The following MORC3 variants were observed in gnomAD, a reference collection of about 807,000 sequenced individuals.
MORC3 encodes the protein MORC family CW-type zinc finger 3, also known as MORC family CW-type zinc finger protein 3.
MORC3 carries 31 observed loss-of-function variants against 109.1 expected under a neutral mutation model. The ratio of observed to expected loss-of-function variants is 0.28; its 90% CI spans 0.21 to 0.38. MORC3 has a LOEUF of 0.38. Ranked by LOEUF, MORC3 falls within the 10% of genes least tolerant of loss-of-function variation. The pLI is 1.00. For synonymous variants in MORC3, 395 were observed against 380.7 expected, an observed-to-expected ratio of 1.04 and a Z score of -0.44; for missense variants, 867 against 1,135.8, an observed-to-expected ratio of 0.76 and a Z score of 3.40.
In MORC3 at chr21:36,360,170, A is replaced by T; in HGVS notation, c.1332-14A>T. ...GCTGGTGACATGTTATTCCTATGTG[A>T]TTTTTCTGAATAGAAATTGTGAGGT... is the stretch of plus-strand genomic sequence containing the variant. On this transcript the variant is annotated splice_polypyrimidine_tract_variant and intron_variant, in intron 11 of 16. Transcript: ENST00000400485. 6.2e-7 allele frequency: 1 copy of T among 1,614,056 alleles called. No individual in the cohort carries two copies. Among genetic ancestry groups the T allele is most frequent in the Non-Finnish European group, 8.5e-7 (1 of 1,179,966 alleles).
At chr21:36,370,628 TATATATA>T (rs1569110694) in intron 15 of MORC3, among the ~76,000 whole-genome samples, 2 of 18,502 alleles carry the variant, frequency 1.1e-4, no homozygotes, top group African/African-American at 5.0e-4. Context: ...TATATATATA[TATATATA>T]TATATTTTTT....
intron 9 of MORC3, among the ~76,000 whole-genome samples, chr21:36,354,371 C>G (rs1244127007): frequency 8.1e-6 from 1 of 122,936 alleles, no homozygotes; most frequent in East Asian, 2.8e-4. Flanking sequence ...TTGCCCACAT[C>G]TTGGCTCACT....
intron 9 of MORC3, among the ~76,000 whole-genome samples, chr21:36,352,709 G>A (rs75587257): frequency 0.014 from 2,182 of 152,116 alleles, 31 homozygotes; most frequent in Non-Finnish European, 0.02. Context: ...CTTGAACAGC[G>A]CAGTTATTAG....
intron 1 of MORC3, among the ~76,000 whole-genome samples, chr21:36,328,222 A>G (rs1010571556): frequency 6.6e-6 from 1 of 152,002 alleles, no homozygotes; most frequent in Non-Finnish European, 1.5e-5. Context: ...GATATGATCA[A>G]AAATGTATAT....
intron 9 of MORC3, among the ~76,000 whole-genome samples, chr21:36,355,700 A>T (rs2085637196): frequency 6.6e-6 from 1 of 151,978 alleles, no homozygotes; most frequent in South Asian, 2.1e-4. Context: ...CTGTAATCCC[A>T]GCACTTTGGG....
chr21:36,374,811 A>G (rs1223958794), intron 16 of MORC3, among the ~76,000 whole-genome samples: 1 of 151,944 alleles, frequency 6.6e-6, no homozygotes, highest in African/African-American at 2.4e-5. Flanking sequence ...AGCTGAGACT[A>G]CAGGTGTCGT....
chr21:36,336,951 A>T lies in MORC3; in HGVS notation c.190A>T (p.Thr64Ser). The change falls in exon 3 of 17, where the codon ACA (threonine) becomes TCA (serine). Residue 64 changes from threonine (T) to serine (S), a missense_variant. Coordinates refer to ENST00000400485, the MANE Select transcript of MORC3 (RefSeq NM_015358.3). ...KTVINDHICL[T>S]FTDNGNGMTS... ...AGTGATAAATGACCATATATGCTTG[A>T]CATTCACCGACAATGGGAATGGTAT... 6.2e-7 allele frequency: 1 copy of T among 1,613,100 alleles called. No individual in the cohort carries two copies. Among genetic ancestry groups the T allele is most frequent in the Non-Finnish European group, 8.5e-7 (1 of 1,179,468 alleles).
At position 36,337,605 on chromosome 21, in the gene MORC3, A is replaced by G. The variant is rs1338424199; in HGVS notation, c.246-127A>G. On this transcript the variant is annotated intron_variant, in intron 3 of 16. Coordinates refer to ENST00000400485, the MANE Select transcript of MORC3 (RefSeq NM_015358.3). ...TACAGCTAGGAAGGGTGAGGCCAGT[A>G]TTTGAACCCAGGCTTTTTACTTGGT... 1.6e-5 allele frequency: 10 copies of G among 629,082 alleles called. No homozygotes were observed. The East Asian group carries it at 3.0e-4, about 19-fold the overall frequency. The allele number at this position is 629,082 out of a possible 1,614,324, so 39.0% of individuals were successfully genotyped here. A position where few individuals can be genotyped will look rare whatever the true frequency, so the allele number is the denominator to read the frequency against.
chr21:36,366,706 C>T (rs143288155), intron 14 of MORC3, among the ~76,000 whole-genome samples: 16 of 152,282 alleles, frequency 1.1e-4, no homozygotes, highest in East Asian at 7.7e-4. Flanking sequence ...CTGCCTGCCT[C>T]GGCCTCCCAA....
intron 12 of MORC3, 119 bp downstream of exon 12, chr21:36,360,377 T>G: frequency 1.0e-6 from 1 of 1,004,956 alleles, no homozygotes; most frequent in Non-Finnish European, 1.5e-6. Flanking sequence ...AAGTTTATAA[T>G]GTGGAGTGCG....
At position 36,320,292 on chromosome 21, in the gene MORC3, C is replaced by A; in HGVS notation, c.28C>A (p.Arg10Ser). The change falls in exon 1 of 17, where the codon CGC (arginine) becomes AGC (serine). Residue 10 changes from arginine to serine, a missense_variant. Physicochemically the swap from Arg to Ser is moderately radical, Grantham distance 110. Coordinates refer to ENST00000400485, the MANE Select transcript of MORC3 (RefSeq NM_015358.3). Reference sequence around the variant, plus strand: ...GGCGGCGCAGCCACCCCGCGGGATACGCCTCAGCGCGGTGAGCAGCCGCGA... The same window carrying A: ...GGCGGCGCAGCCACCCCGCGGGATAAGCCTCAGCGCGGTGAGCAGCCGCGA... Reference protein sequence around the residue: MAAQPPRGIRLSALCPKFLH... With the variant: MAAQPPRGISLSALCPKFLH... 1 of 1,562,364 alleles carries A rather than the reference C, an allele frequency of 6.4e-7. No homozygotes were observed. The highest frequency in any genetic ancestry group is 1.4e-5 in the African/African-American group (1 of 72,648).
intron 1 of MORC3, among the ~76,000 whole-genome samples, chr21:36,321,071 C>T (rs1196027065): frequency 6.6e-6 from 1 of 152,114 alleles, no homozygotes; most frequent in Non-Finnish European, 1.5e-5. Context: ...CTGAAATGTT[C>T]CTCTTTTCTG....
chr21:36,351,220 A>G (rs541736906), intron 9 of MORC3, among the ~76,000 whole-genome samples: 1 of 151,882 alleles, frequency 6.6e-6, no homozygotes, highest in Non-Finnish European at 1.5e-5. Flanking sequence ...GGCATGCACC[A>G]CCATGCCCAG....
rs754050554 is a variant in MORC3, at chr21:36,369,358, G to C, written c.1990G>C (p.Asp664His). Residue 664 changes from aspartate (D) to histidine (H), a missense_variant, in exon 15 of 17, where the codon GAT (aspartate) becomes CAT (histidine). This residue lies in a region of MORC3 where 486 missense variants were observed against 502.1 expected (regional missense o/e 0.97). Coordinates refer to ENST00000400485, the MANE Select transcript of MORC3 (RefSeq NM_015358.3). Reference protein sequence around the residue: ...TVEDEIDVRNDAVILPSCVEA... With the variant: ...TVEDEIDVRNHAVILPSCVEA... ...TGAAGACGAGATAGACGTAAGAAATGATGCAGTGATTCTGCCCTCCTGTGT... is the reference window on the plus strand; with the variant it reads ...TGAAGACGAGATAGACGTAAGAAATCATGCAGTGATTCTGCCCTCCTGTGT... The C allele has an allele frequency of 6.2e-7, 1 of 1,614,190 alleles. No homozygotes were observed. The highest frequency in any genetic ancestry group is 1.1e-5 in the South Asian group (1 of 91,082).
chr21:36,369,792 A>G lies in MORC3; in HGVS notation c.2424A>G (p.Glu808=), dbSNP rs752514186. 6.2e-7 allele frequency: 1 copy of G among 1,614,196 alleles called. No homozygotes were observed. The highest frequency in any genetic ancestry group is 8.5e-7 in the Non-Finnish European group (1 of 1,180,040). ...SQCSNNESKS[E]MDEMAVQLDD... is the part of the protein sequence containing the mutation. ...GTTCCAATAATGAGAGTAAAAGTGA[A>G]ATGGATGAGATGGCTGTGCAGCTTG... Residue 808 remains glutamate, a synonymous_variant, in exon 15 of 17, where the codon GAA becomes GAG. Coordinates refer to ENST00000400485, the MANE Select transcript of MORC3 (RefSeq NM_015358.3).
chr21:36,320,560 C>G lies in MORC3; in HGVS notation c.39+257C>G, dbSNP rs1601501769. On this transcript the variant is annotated intron_variant, in intron 1 of 16. Transcript: ENST00000400485. ...CCAGGGTCGCGGCTCCTCCTCCCAG[C>G]TCCCTCCTAGTCTCCCAGCAGCTGT... 5 of 333,706 alleles carry G rather than the reference C, an allele frequency of 1.5e-5. No homozygotes were observed. In the East Asian group the frequency reaches 2.4e-4, roughly 16 times the overall value. 20.7% of individuals were successfully genotyped at this position (333,706 alleles called of 1,614,324 possible). A position where few individuals can be genotyped will look rare whatever the true frequency, so the allele number is the denominator to read the frequency against.
chr21:36,369,294 T>G lies in MORC3; in HGVS notation c.1926T>G (p.Thr642=). Residue 642 remains threonine, a synonymous_variant, in exon 15 of 17, where the codon ACT becomes ACG. Transcript: ENST00000400485. ...AGGGAAATACTGCAGCTACCCAGAC[T>G]GAAGTACCAAGTTTAGTTGTTAAAA... The part of the protein sequence containing the change: ...CDQGNTAATQ[T]EVPSLVVKKE... 6.2e-7 allele frequency: 1 copy of G among 1,614,092 alleles called. No individual in the cohort carries two copies. Among genetic ancestry groups the G allele is most frequent in the Non-Finnish European group, 8.5e-7 (1 of 1,180,034 alleles).
chr21:36,344,966 G>C lies in MORC3; in HGVS notation c.940G>C (p.Gly314Arg). The C allele has an allele frequency of 6.2e-7, 1 of 1,606,360 alleles. No homozygotes were observed. The highest frequency in any genetic ancestry group is 8.5e-7 in the Non-Finnish European group (1 of 1,173,792). The change falls in exon 8 of 17, where the codon GGG (glycine) becomes CGG (arginine). Residue 314 changes from glycine (G) to arginine (R), a missense_variant. Gly to Arg is a moderately radical substitution (Grantham distance 125). Around this residue, in one of 7 missense-constraint regions of MORC3, gnomAD observed 120 missense variants for 259.7 expected, o/e 0.46. Transcript: ENST00000400485. Reference sequence around the variant, plus strand: ...CAACTGCAGAAATAAAGATCATTATGGGATAATGATGTATCACAGAAATAG... The same window carrying C: ...CAACTGCAGAAATAAAGATCATTATCGGATAATGATGTATCACAGAAATAG... The part of the protein sequence containing the change: ...GFNCRNKDHY[G>R]IMMYHRNRLI...
intron 10 of MORC3, among the ~76,000 whole-genome samples, chr21:36,358,833 T>C (rs116923157): frequency 0.027 from 4,079 of 151,978 alleles, 75 homozygotes; most frequent in Admixed American, 0.047. Context: ...GAACCCGCCA[T>C]CACGCATGGC....
Sources: gnomAD v4.1 joint callset for allele counts (sites outside exome capture counted in the v4.1 genomes callset) on GRCh38, gnomAD v4.1.1 for gene constraint, gnomAD v4.1.1 regional missense constraint, MANE v1.5 for transcripts, NCBI Gene and HGNC (gene_info 2026-07-23, HGNC 2026-07-21) for gene names.